Variants in PRKCA observed in about 807,000 individuals in gnomAD.
The protein encoded by PRKCA is protein kinase C alpha type.
Under a neutral mutation model 87.0 loss-of-function variants are expected in PRKCA, and 27 were observed. The observed-to-expected ratio is 0.31, with a 90% CI of 0.23 to 0.43. The LOEUF (loss-of-function observed/expected upper bound fraction) is 0.43, where lower values mean the gene tolerates loss of function less well. Ranked by LOEUF, PRKCA falls within the 20% of genes least tolerant of loss-of-function variation. The pLI is 1.00. For synonymous variants in PRKCA, 329 were observed against 311.1 expected (o/e 1.06, Z -0.61); for missense variants, 518 against 852.3 (o/e 0.61, Z 4.88).
chr17:66,641,627 C>T (rs762399888), intron 4 of PRKCA, among the ~76,000 whole-genome samples, 161 bp downstream of exon 4: 1 of 151,938 alleles, frequency 6.6e-6, no homozygotes, highest in African/African-American at 2.4e-5. Context: ...CTTCCACTGT[C>T]AAAGTTCCAG....
intron 2 of PRKCA, among the ~76,000 whole-genome samples, chr17:66,425,784 A>G (rs1346862962): frequency 6.6e-6 from 1 of 152,164 alleles, no homozygotes; most frequent in Admixed American, 6.5e-5. Flanking sequence ...TATGTGCGAC[A>G]TGGTAACCCC....
At chr17:66,641,127 C>T (rs934157487) in intron 3 of PRKCA, among the ~76,000 whole-genome samples, 1 of 149,444 alleles carries the variant, frequency 6.7e-6, no homozygotes, top group Admixed American at 6.7e-5. Flanking sequence ...CACTGCACTC[C>T]AGCCTGGGCG....
chr17:66,561,107 C>G (rs1029131955), intron 3 of PRKCA, among the ~76,000 whole-genome samples: 1 of 152,168 alleles, frequency 6.6e-6, no homozygotes, highest in African/African-American at 2.4e-5. Flanking sequence ...TTCCACAAAA[C>G]ATATCATTTT....
At chr17:66,346,451 T>A (rs1907377659) in intron 2 of PRKCA, among the ~76,000 whole-genome samples, 3 of 152,010 alleles carry the variant, frequency 2.0e-5, no homozygotes, top group Admixed American at 2.0e-4. Context: ...CTTGCTATAT[T>A]GCCCGGGATG....
chr17:66,487,638 C>G (rs1241821396), intron 2 of PRKCA, among the ~76,000 whole-genome samples: 1 of 152,204 alleles, frequency 6.6e-6, no homozygotes, highest in East Asian at 1.9e-4. Context: ...TTCCCACCAG[C>G]AGCATCCCTG....
chr17:66,302,897 G>C lies in PRKCA; in HGVS notation c.46G>C (p.Val16Leu), dbSNP rs758584716. ...PGNDSTASQD[V>L]ANRFARKGAL... Reference sequence around the variant, plus strand: ...CAACGACTCCACGGCGTCTCAGGACGTGGCCAACCGCTTCGCCCGCAAAGG... The same window carrying C: ...CAACGACTCCACGGCGTCTCAGGACCTGGCCAACCGCTTCGCCCGCAAAGG... Residue 16 changes from valine (V) to leucine (L), a missense_variant, in exon 1 of 17, where the codon GTG becomes CTG. Transcript: ENST00000413366. 1 of 1,608,512 alleles carries C rather than the reference G, an allele frequency of 6.2e-7. No individual in the cohort carries two copies. The highest frequency in any genetic ancestry group is 8.5e-7 in the Non-Finnish European group (1 of 1,176,884).
chr17:66,553,261 G>A (rs558465713), intron 3 of PRKCA, among the ~76,000 whole-genome samples: 12 of 152,244 alleles, frequency 7.9e-5, no homozygotes, highest in African/African-American at 2.4e-4. Flanking sequence ...GGATTATAGC[G>A]TGAGCCACCC....
intron 2 of PRKCA, among the ~76,000 whole-genome samples, chr17:66,471,104 T>C (rs2144015095): frequency 6.6e-6 from 1 of 152,270 alleles, no homozygotes; most frequent in South Asian, 2.1e-4. Flanking sequence ...TTAGGACATA[T>C]TCTCTCATTC....
At position 66,450,067 on chromosome 17, in the gene PRKCA, A is replaced by G. The variant is rs143730841; in HGVS notation, c.206-46134A>G. On this transcript the variant is annotated intron_variant, in intron 2 of 16. Coordinates refer to ENST00000413366, the MANE Select transcript of PRKCA (RefSeq NM_002737.3). ...TATAGCCACAATAGAATGTCATTGG[A>G]AAGAGTGGAGGCTTTGGAATTACAT... Among the ~76,000 whole-genome samples the G allele has an allele frequency of 3.3e-5, 5 of 151,816 alleles. No individual in the cohort carries two copies. In the East Asian group the frequency reaches 9.7e-4, roughly 29 times the overall value.
intron 16 of PRKCA, among the ~76,000 whole-genome samples, chr17:66,801,386 G>C (rs1975893905): frequency 6.6e-6 from 1 of 152,146 alleles, no homozygotes; most frequent in Non-Finnish European, 1.5e-5. Context: ...ACCAAAAATG[G>C]GTTCCCTGGG....
chr17:66,768,992 C>A (rs1974871545), intron 13 of PRKCA, among the ~76,000 whole-genome samples: 1 of 152,080 alleles, frequency 6.6e-6, no homozygotes. Context: ...TTGATACTGC[C>A]ACTATTCTCA....
intron 9 of PRKCA, 96 bp downstream of exon 9, chr17:66,732,921 T>A (rs1231828113): frequency 3.5e-6 from 5 of 1,423,506 alleles, no homozygotes; most frequent in Non-Finnish European, 4.8e-6. Context: ...CACATTAGAT[T>A]TCCCTGTGAT....
Position 66,752,259 on chromosome 17 carries a change from C to A in PRKCA, c.1524+9499C>A, listed in dbSNP as rs1428458482. The stretch of plus-strand genomic sequence containing the variant: ...ATTATTTGGCAGTTGTTTCAATTAT[C>A]TATTGATGTGTAATCGCCCCAGAAC... On this transcript the variant is annotated intron_variant, in intron 13 of 16. Transcript: ENST00000413366. 2.0e-5 allele frequency among the ~76,000 whole-genome samples: 3 copies of A among 152,218 alleles called. No individual in the cohort carries two copies. The East Asian group carries it at 5.8e-4, about 29-fold the overall frequency.
At chr17:66,510,199 T>C (rs754435704) in intron 3 of PRKCA, among the ~76,000 whole-genome samples, 9 of 152,234 alleles carry the variant, frequency 5.9e-5, no homozygotes, top group African/African-American at 9.6e-5. Context: ...GTGAAATGTT[T>C]CCTGCGATTC....
intron 3 of PRKCA, among the ~76,000 whole-genome samples, chr17:66,638,721 G>T (rs1332157170): frequency 6.6e-6 from 1 of 152,108 alleles, no homozygotes; most frequent in African/African-American, 2.4e-5. Flanking sequence ...GGTAGTGGGT[G>T]CCTGTAGTCC....
At chr17:66,387,027 AAG>A (rs1910099903) in intron 2 of PRKCA, among the ~76,000 whole-genome samples, 1 of 152,208 alleles carries the variant, frequency 6.6e-6, no homozygotes, top group South Asian at 2.1e-4. Flanking sequence ...GTGCCTGACT[AAG>A]AGAGTAAAGG....
chr17:66,803,793 C>A lies in PRKCA; in HGVS notation c.1855-80C>A, dbSNP rs1975958228. ...CGGAGTTCCCCAGGGCCGTGCCCCT[C>A]CCCAGAGAGGGCCCTCGGAGAGCTG... On this transcript the variant is annotated intron_variant, in intron 16 of 16. Transcript: ENST00000413366. The surrounding 1 kb of genome is among the most constrained non-coding windows in gnomAD (Gnocchi z 4.4). The A allele has an allele frequency of 7.7e-6, 12 of 1,563,636 alleles. No individual in the cohort carries two copies. The highest frequency in any genetic ancestry group is 9.5e-6 in the Non-Finnish European group (11 of 1,151,834).
chr17:66,718,417 ATCC>A (rs1353655131), intron 8 of PRKCA, among the ~76,000 whole-genome samples: 3 of 152,152 alleles, frequency 2.0e-5, no homozygotes, highest in African/African-American at 7.2e-5. Context: ...GGCTCAAGCA[ATCC>A]TCCTGCTTCA....
At chr17:66,429,084 C>A (rs372918963) in intron 2 of PRKCA, among the ~76,000 whole-genome samples, 1 of 152,056 alleles carries the variant, frequency 6.6e-6, no homozygotes, top group Non-Finnish European at 1.5e-5. Context: ...TAGTTTTTCA[C>A]GCTCTTCCGC....
Sources: gnomAD v4.1 joint callset for allele counts (sites outside exome capture counted in the v4.1 genomes callset) on GRCh38, gnomAD v4.1.1 for gene constraint, Gnocchi (gnomAD v3.1) non-coding constraint, MANE v1.5 for transcripts, NCBI Gene and HGNC (gene_info 2026-07-23, HGNC 2026-07-21) for gene names.